Variants in GRIK2 observed in about 807,000 individuals in gnomAD.
GRIK2 encodes the protein glutamate ionotropic receptor kainate type subunit 2, also known as glutamate receptor ionotropic, kainate 2.
GRIK2 carries 32 observed loss-of-function variants against 100.3 expected under a neutral mutation model. The ratio of observed to expected loss-of-function variants is 0.32; its 90% CI spans 0.24 to 0.43. GRIK2 has a LOEUF of 0.43. GRIK2 is among the 20% of genes least tolerant of loss of function. The pLI is 1.00. For missense variants in GRIK2, 843 were observed against 1,114.9 expected (o/e 0.76, Z 3.47); for synonymous variants, 417 against 389.4 (o/e 1.07, Z -0.83).
chr6:101,514,149 T>C (rs981126766), intron 2 of GRIK2, among the ~76,000 whole-genome samples: 8 of 152,250 alleles, frequency 5.3e-5, no homozygotes, highest in African/African-American at 1.9e-4. Flanking sequence ...GGAAGGATAA[T>C]CTTTTCAACA....
intron 4 of GRIK2, among the ~76,000 whole-genome samples, chr6:101,648,712 T>C (rs1193658918): frequency 2.0e-5 from 3 of 152,088 alleles, no homozygotes; most frequent in Non-Finnish European, 4.4e-5. Flanking sequence ...AGATAACAAT[T>C]CTACTTTTTA....
At chr6:101,584,716 G>T (rs1778268789) in intron 2 of GRIK2, among the ~76,000 whole-genome samples, 1 of 151,910 alleles carries the variant, frequency 6.6e-6, no homozygotes, top group East Asian at 1.9e-4. Context: ...ACTACCCAAA[G>T]TTATAATATA....
intron 14 of GRIK2, among the ~76,000 whole-genome samples, chr6:101,972,970 C>A (rs1262950379): frequency 6.6e-6 from 1 of 151,786 alleles, no homozygotes; most frequent in Admixed American, 6.6e-5. Flanking sequence ...AGTTTGAAGC[C>A]AGGTAGTGTG....
intron 7 of GRIK2, among the ~76,000 whole-genome samples, chr6:101,747,225 C>T (rs1298996606): frequency 1.3e-5 from 2 of 152,084 alleles, no homozygotes; most frequent in African/African-American, 2.4e-5. Context: ...CACTTGGAAC[C>T]CTTTAAAGGA....
intron 4 of GRIK2, among the ~76,000 whole-genome samples, chr6:101,639,615 CAT>C (rs1781191126): frequency 6.6e-6 from 1 of 152,040 alleles, no homozygotes; most frequent in Non-Finnish European, 1.5e-5. Context: ...TACATACATA[CAT>C]ACATACATAC....
At chr6:101,800,822 T>C (rs1780623336) in intron 8 of GRIK2, among the ~76,000 whole-genome samples, 1 of 152,094 alleles carries the variant, frequency 6.6e-6, no homozygotes, top group South Asian at 2.1e-4. Flanking sequence ...TTGATTTTTC[T>C]GAACTCAGCA....
At chr6:101,763,495 G>A (rs1777857636) in intron 7 of GRIK2, among the ~76,000 whole-genome samples, 1 of 152,108 alleles carries the variant, frequency 6.6e-6, no homozygotes, top group Non-Finnish European at 1.5e-5. Flanking sequence ...CTTACTATGT[G>A]GAAGTTAGCA....
chr6:101,547,819 C>T (rs1285762566), intron 2 of GRIK2, among the ~76,000 whole-genome samples: 1 of 151,842 alleles, frequency 6.6e-6, no homozygotes, highest in East Asian at 1.9e-4. Context: ...ATTTATAATC[C>T]TTTGGGTATA....
chr6:101,572,818 ATTT>A (rs1777611411), intron 2 of GRIK2, among the ~76,000 whole-genome samples: 1 of 26,666 alleles, frequency 3.8e-5, no homozygotes, highest in Non-Finnish European at 9.4e-5. Context: ...GTTGTTTATT[ATTT>A]ATTTATTTAT....
At chr6:101,405,671 A>G (rs553661746) in intron 2 of GRIK2, among the ~76,000 whole-genome samples, 14 of 152,320 alleles carry the variant, frequency 9.2e-5, no homozygotes, top group Admixed American at 3.9e-4. Context: ...TTAAACTTCA[A>G]TGTAGTAAGT....
chr6:101,738,048 A>G (rs1042698544), intron 7 of GRIK2, among the ~76,000 whole-genome samples: 2 of 152,222 alleles, frequency 1.3e-5, no homozygotes, highest in African/African-American at 2.4e-5. Flanking sequence ...CTTAGTGAAG[A>G]GAAACAGACA....
At chr6:101,594,552 A>G (rs1420674092) in intron 2 of GRIK2, among the ~76,000 whole-genome samples, 1 of 151,844 alleles carries the variant, frequency 6.6e-6, no homozygotes, top group Non-Finnish European at 1.5e-5. Flanking sequence ...TTACTTGAAT[A>G]CTAGTGGAAT....
At chr6:101,720,257 G>A (rs941803778) in intron 7 of GRIK2, among the ~76,000 whole-genome samples, 4 of 151,902 alleles carry the variant, frequency 2.6e-5, no homozygotes, top group Admixed American at 2.0e-4. Flanking sequence ...GTGTTTGTCC[G>A]TTCAAACTGT....
chr6:101,657,478 C>T (rs1251058757), intron 4 of GRIK2, among the ~76,000 whole-genome samples: 1 of 152,140 alleles, frequency 6.6e-6, no homozygotes, highest in Non-Finnish European at 1.5e-5. Flanking sequence ...TGAGAACAGA[C>T]TGATACATTG....
intron 14 of GRIK2, among the ~76,000 whole-genome samples, chr6:101,931,682 A>G (rs1790296400): frequency 6.6e-6 from 1 of 151,996 alleles, no homozygotes; most frequent in Admixed American, 6.6e-5. Context: ...TATATCCATT[A>G]CACACCACAC....
chr6:101,597,756 A>T (rs948333508), intron 2 of GRIK2, among the ~76,000 whole-genome samples: 7 of 151,726 alleles, frequency 4.6e-5, no homozygotes, highest in Non-Finnish European at 7.4e-5. Flanking sequence ...CTTCCATTTC[A>T]AAGCAAGGAC....
At chr6:101,651,004 CTTTTTTTTTTTT>C (rs3056156) in intron 4 of GRIK2, among the ~76,000 whole-genome samples, 1 of 119,522 alleles carries the variant, frequency 8.4e-6, no homozygotes, top group Non-Finnish European at 1.8e-5. Flanking sequence ...CTTTCTTTTT[CTTTTTTTTTTTT>C]TTTTTTTGGC....
intron 2 of GRIK2, among the ~76,000 whole-genome samples, chr6:101,566,508 A>C (rs886248464): frequency 2.0e-5 from 3 of 151,868 alleles, no homozygotes; most frequent in Non-Finnish European, 4.4e-5. Context: ...TCTTGCCTTA[A>C]AATTTTTAGT....
At chr6:101,711,845 T>C (rs191619500) in intron 7 of GRIK2, among the ~76,000 whole-genome samples, 57 of 151,928 alleles carry the variant, frequency 3.8e-4, no homozygotes, top group Admixed American at 2.9e-3. Context: ...TGTTACATAA[T>C]GAAAGCCAGT....
Sources: gnomAD v4.1 joint callset for allele counts (sites outside exome capture counted in the v4.1 genomes callset) on GRCh38, gnomAD v4.1.1 for gene constraint, MANE v1.5 for transcripts, NCBI Gene and HGNC (gene_info 2026-07-23, HGNC 2026-07-21) for gene names.